The following FER variants were observed in gnomAD, a reference collection of about 807,000 sequenced individuals.
FER encodes the protein tyrosine-protein kinase Fer.
FER carries 63 observed loss-of-function variants against 111.0 expected under a neutral mutation model. The ratio of observed to expected loss-of-function variants is 0.57; its 90% CI spans 0.46 to 0.70. The LOEUF (loss-of-function observed/expected upper bound fraction) is 0.70. Ranked by LOEUF, FER falls within the 30% of genes least tolerant of loss-of-function variation. The pLI is 0.00. For missense variants in FER, 914 were observed against 954.0 expected, an observed-to-expected ratio of 0.96 and a Z score of 0.55; for synonymous variants, 327 against 313.9, an observed-to-expected ratio of 1.04 and a Z score of -0.44.
chr5:108,878,765 A>C (rs1038641878), intron 8 of FER, among the ~76,000 whole-genome samples: 12 of 152,192 alleles, frequency 7.9e-5, no homozygotes, highest in Non-Finnish European at 1.6e-4. Context: ...AAGCATCATT[A>C]GCATCATGAT....
intron 13 of FER, among the ~76,000 whole-genome samples, chr5:109,021,642 T>G (rs1047936378): frequency 1.3e-5 from 2 of 152,088 alleles, no homozygotes; most frequent in Admixed American, 6.6e-5. Context: ...TTACTGAAGC[T>G]TTAGGATAAA....
chr5:108,990,958 G>T lies in FER; in HGVS notation c.1656+31611G>T, dbSNP rs76486268. ...ACATAACTTATGAAGCAAGAAATAA[G>T]GCTTTGTTGAGAATTAGAATGAATA... On this transcript the variant is annotated intron_variant, in intron 13 of 19. Coordinates refer to ENST00000281092, the MANE Select transcript of FER (RefSeq NM_005246.4). Among the ~76,000 whole-genome samples the T allele has an allele frequency of 9.4e-3, 1,424 of 151,612 alleles. 23 individuals carry two copies. Among genetic ancestry groups the T allele is most frequent in the African/African-American group, 0.033 (1,361 of 41,422 alleles).
At chr5:109,144,723 T>C (rs1278522297) in intron 17 of FER, among the ~76,000 whole-genome samples, 1 of 152,058 alleles carries the variant, frequency 6.6e-6, no homozygotes, top group African/African-American at 2.4e-5. Context: ...AGAGAGATGT[T>C]ACCAAATGTT....
At chr5:109,163,243 A>T (rs977316226) in intron 17 of FER, among the ~76,000 whole-genome samples, 2 of 151,522 alleles carry the variant, frequency 1.3e-5, no homozygotes, top group African/African-American at 4.9e-5. Flanking sequence ...TTTATTTCTG[A>T]GTATTTCATT....
At chr5:109,101,184 T>A (rs1163283374) in intron 17 of FER, among the ~76,000 whole-genome samples, 1 of 152,004 alleles carries the variant, frequency 6.6e-6, no homozygotes, top group East Asian at 1.9e-4. Flanking sequence ...GTACAATTTA[T>A]GATCTGTTGC....
chr5:108,989,636 T>C (rs944265798), intron 13 of FER, among the ~76,000 whole-genome samples: 1 of 151,970 alleles, frequency 6.6e-6, no homozygotes, highest in African/African-American at 2.4e-5. Context: ...TATTTTTTCT[T>C]TATTTGATTA....
intron 1 of FER, among the ~76,000 whole-genome samples, chr5:108,766,266 C>T (rs777249523): frequency 2.6e-5 from 4 of 152,154 alleles, no homozygotes; most frequent in Non-Finnish European, 4.4e-5. Context: ...ATAATTTTGT[C>T]ATGAATTTTA....
In FER at chr5:108,997,275, G is replaced by A. The variant is rs185801897; in HGVS notation, c.1656+37928G>A. Among the ~76,000 whole-genome samples, 566 of 150,984 alleles carry A rather than the reference G, an allele frequency of 3.7e-3. 3 individuals carry two copies. Among genetic ancestry groups the A allele is most frequent in the African/African-American group, 0.011 (471 of 41,080 alleles). ...AAAAAAAATACAAAAAAAATTAGCC[G>A]GGCTTGGTGGTGGGCGCCTGTAGTC... On this transcript the variant is annotated intron_variant, in intron 13 of 19. Transcript: ENST00000281092.
At chr5:108,916,018 T>G (rs1477139012) in intron 10 of FER, among the ~76,000 whole-genome samples, 1 of 152,202 alleles carries the variant, frequency 6.6e-6, no homozygotes, top group Admixed American at 6.5e-5. Context: ...CAGGTTTCCA[T>G]TTTTATTGAC....
chr5:109,159,496 T>C lies in FER; in HGVS notation c.2049-21251T>C, dbSNP rs114692353. ...TGATGGCAATTTGAAGTAGTTATTTTCTTTAAAGGGCTTAAAACCTTATTA... is the reference window on the plus strand; with the variant it reads ...TGATGGCAATTTGAAGTAGTTATTTCCTTTAAAGGGCTTAAAACCTTATTA... On this transcript the variant is annotated intron_variant, in intron 17 of 19. Transcript: ENST00000281092. Among the ~76,000 whole-genome samples, 774 of 152,294 alleles carry C rather than the reference T, an allele frequency of 5.1e-3. 7 individuals are homozygous for C. The highest frequency in any genetic ancestry group is 0.018 in the African/African-American group (748 of 41,558).
chr5:109,060,485 A>T (rs1774252110), intron 16 of FER, among the ~76,000 whole-genome samples: 1 of 152,060 alleles, frequency 6.6e-6, no homozygotes. Context: ...AGAGATCAAG[A>T]CGATCCAGGC....
chr5:108,760,158 GTT>G (rs36078731), intron 1 of FER, among the ~76,000 whole-genome samples: 3 of 141,120 alleles, frequency 2.1e-5, no homozygotes, highest in Non-Finnish European at 4.6e-5. Context: ...GCAGTCTTCT[GTT>G]TTTTTTTTTT....
chr5:109,140,802 A>G (rs1753441325), intron 17 of FER, among the ~76,000 whole-genome samples: 1 of 152,154 alleles, frequency 6.6e-6, no homozygotes, highest in African/African-American at 2.4e-5. Context: ...ATCATAATGA[A>G]TTGGGAGGGA....
intron 13 of FER, among the ~76,000 whole-genome samples, chr5:109,030,316 T>C (rs559297763): frequency 3.9e-4 from 60 of 152,306 alleles, no homozygotes; most frequent in African/African-American, 1.4e-3. Flanking sequence ...CCACTGTTGG[T>C]TGACTGTCTT....
chr5:108,907,288 C>A (rs55665982), intron 10 of FER, among the ~76,000 whole-genome samples: 10,734 of 151,504 alleles, frequency 0.071, 420 homozygotes, highest in Middle Eastern at 0.086. Context: ...TAGCCAACTT[C>A]TTTTCTTTTC....
intron 3 of FER, among the ~76,000 whole-genome samples, chr5:108,827,179 T>C (rs1472262664): frequency 6.6e-6 from 1 of 152,148 alleles, no homozygotes; most frequent in East Asian, 1.9e-4. Context: ...CATGATGTAG[T>C]TCAATAGACA....
At chr5:108,897,368 G>A (rs1218287490) in intron 9 of FER, among the ~76,000 whole-genome samples, 3 of 152,086 alleles carry the variant, frequency 2.0e-5, no homozygotes, top group Admixed American at 6.6e-5. Flanking sequence ...GGACCTAAGT[G>A]TCTACTCTGT....
chr5:108,981,112 C>T (rs1761972216), intron 13 of FER, among the ~76,000 whole-genome samples: 1 of 151,798 alleles, frequency 6.6e-6, no homozygotes, highest in African/African-American at 2.4e-5. Flanking sequence ...TGTATTATAG[C>T]TCATTATTGT....
Position 108,940,603 on chromosome 5 carries a change from G to A in FER, c.1237-5527G>A, listed in dbSNP as rs547702470. Among the ~76,000 whole-genome samples the A allele has an allele frequency of 8.6e-4, 130 of 151,506 alleles. 3 individuals carry two copies. The South Asian group carries it at 0.027, about 31-fold the overall frequency. ...TGTATGAGCAGATCAATCCTCAAAA[G>A]TTTTTAAGAGATTTGTAGCATCAGG... On this transcript the variant is annotated intron_variant, in intron 10 of 19. Transcript: ENST00000281092.
Sources: allele counts gnomAD v4.1 joint callset (sites outside exome capture counted in the v4.1 genomes callset), GRCh38; gene constraint gnomAD v4.1.1; transcripts MANE v1.5; gene names NCBI Gene and HGNC (gene_info 2026-07-23, HGNC 2026-07-21).